MEF2A: variants seen among roughly 807,000 people sequenced by gnomAD.
MEF2A encodes the protein myocyte enhancer factor 2A.
Under a neutral mutation model 55.8 loss-of-function variants are expected in MEF2A, and 28 were observed. The observed-to-expected ratio is 0.50, with a 90% CI of 0.37 to 0.69. The LOEUF is 0.69. Among genes scored for constraint, MEF2A ranks in the 30% least tolerant of loss-of-function variants. The pLI, the probability that MEF2A is intolerant of heterozygous loss-of-function variation, is 0.00. For missense variants in MEF2A, 528 were observed against 626.2 expected (o/e 0.84, Z 1.67); for synonymous variants, 239 against 227.1 (o/e 1.05, Z -0.47).
chr15:99,697,064 AAT>A (rs999135175), intron 8 of MEF2A, among the ~76,000 whole-genome samples: 10 of 152,130 alleles, frequency 6.6e-5, no homozygotes, highest in Non-Finnish European at 1.5e-4. Flanking sequence ...TAAAAAAAAA[AAT>A]CTCAATGAAC....
chr15:99,658,991 C>T (rs996998897), intron 4 of MEF2A, among the ~76,000 whole-genome samples: 10 of 151,976 alleles, frequency 6.6e-5, no homozygotes, highest in African/African-American at 2.4e-4. Context: ...ATATCAGCAT[C>T]TAGTAGGGTG....
intron 1 of MEF2A, among the ~76,000 whole-genome samples, chr15:99,588,374 T>C (rs1968102698): frequency 6.6e-6 from 1 of 152,064 alleles, no homozygotes; most frequent in Non-Finnish European, 1.5e-5. Flanking sequence ...CGATCTTGGC[T>C]CACTGCAACC....
At chr15:99,622,985 C>A (rs1195469635) in intron 2 of MEF2A, among the ~76,000 whole-genome samples, 1 of 152,182 alleles carries the variant, frequency 6.6e-6, no homozygotes, top group Non-Finnish European at 1.5e-5. Context: ...CAGGCGTGAG[C>A]CACCACGCCC....
intron 4 of MEF2A, among the ~76,000 whole-genome samples, chr15:99,659,385 A>G (rs1303004870): frequency 6.6e-6 from 1 of 152,158 alleles, no homozygotes; most frequent in Non-Finnish European, 1.5e-5. Flanking sequence ...TAGCCTGAAC[A>G]CCACACACTT....
rs1234666173 is a variant in MEF2A, at chr15:99,700,187, TACACACAC to T, written c.859-3155_859-3148del. On this transcript the variant is annotated intron_variant, in intron 8 of 11. Transcript: ENST00000557942. ...ACATACGTATATATGTGTGTATATA[TACACACAC>T]ACACACACACACACACACATATGTA... 2.9e-3 allele frequency among the ~76,000 whole-genome samples: 329 copies of T among 112,370 alleles called. 4 individuals carry two copies. Among genetic ancestry groups the T allele is most frequent in the African/African-American group, 0.012 (313 of 26,888 alleles). 73.7% of individuals were successfully genotyped at this position (112,370 alleles called of 152,430 possible). A position where few individuals can be genotyped will look rare whatever the true frequency, so the allele number is the denominator to read the frequency against.
chr15:99,576,920 T>G (rs906970694), intron 1 of MEF2A, among the ~76,000 whole-genome samples: 2 of 152,204 alleles, frequency 1.3e-5, no homozygotes, highest in African/African-American at 4.8e-5. Context: ...GTGCTGGGAT[T>G]ACAGGCGTGA....
chr15:99,581,495 T>C (rs1356416467), intron 1 of MEF2A, among the ~76,000 whole-genome samples: 3 of 152,076 alleles, frequency 2.0e-5, no homozygotes, highest in Non-Finnish European at 4.4e-5. Context: ...TGAGTGATCA[T>C]TTGCCAAAAC....
intron 2 of MEF2A, among the ~76,000 whole-genome samples, chr15:99,599,809 C>CA (rs1366884802): frequency 7.9e-5 from 12 of 152,088 alleles, no homozygotes; most frequent in Non-Finnish European, 1.5e-4. Flanking sequence ...ATAGGTTCCT[C>CA]ATCTGTGGAT....
chr15:99,714,819 C>G lies in MEF2A; in HGVS notation c.*2048C>G, dbSNP rs1231787864. ...TTTGTTCCCCCCCCCCCACCCCCCC[C>G]CCAAATTACGTTCCTTTTGACATTT... is the stretch of plus-strand genomic sequence containing the variant. On this transcript the variant is annotated 3_prime_UTR_variant, in exon 12 of 12. Coordinates refer to ENST00000557942, the MANE Select transcript of MEF2A (RefSeq NM_001319206.4). 7.6e-6 allele frequency: 1 copy of G among 132,222 alleles called. No homozygotes were observed. Among genetic ancestry groups the G allele is most frequent in the Non-Finnish European group, 1.6e-5 (1 of 63,696 alleles). The allele number at this position is 132,222 out of a possible 1,614,324, so 8.2% of individuals were successfully genotyped here.
At chr15:99,640,546 T>G (rs2044694775) in intron 3 of MEF2A, among the ~76,000 whole-genome samples, 1 of 150,924 alleles carries the variant, frequency 6.6e-6, no homozygotes, top group Admixed American at 6.6e-5. Context: ...CCCTCCCCTC[T>G]TTTCTTTCTT....
intron 7 of MEF2A, among the ~76,000 whole-genome samples, chr15:99,686,176 A>G (rs1035286931): frequency 6.6e-6 from 1 of 152,172 alleles, no homozygotes; most frequent in Non-Finnish European, 1.5e-5. Flanking sequence ...ATTTTTAACC[A>G]TTCTGCCATT....
At position 99,622,702 on chromosome 15, in the gene MEF2A, C is replaced by CTTTTCTTT. The variant is rs372196596; in HGVS notation, c.-142-10272_-142-10271insCTTTTTTT. 4.3e-3 allele frequency among the ~76,000 whole-genome samples: 581 copies of CTTTTCTTT among 135,708 alleles called. 22 individuals are homozygous for CTTTTCTTT. The East Asian group carries it at 0.047, about 11-fold the overall frequency. The allele number at this position is 135,708 out of a possible 152,430, so 89.0% of individuals were successfully genotyped here. ...ATCCTTCTTTAGGATGTTTTCTTTT[C>CTTTTCTTT]TTTTTTTTTTTCTTTTTTGAGATGG... On this transcript the variant is annotated intron_variant, in intron 2 of 11. Transcript: ENST00000557942.
chr15:99,680,356 A>T (rs1166155491), intron 7 of MEF2A, among the ~76,000 whole-genome samples: 5 of 152,310 alleles, frequency 3.3e-5, no homozygotes, highest in Middle Eastern at 3.4e-3. Context: ...ACAAAAAAAA[A>T]TACTACTCTT....
At position 99,596,982 on chromosome 15, in the gene MEF2A, C is replaced by A. The variant is rs183245415; in HGVS notation, c.-224-1448C>A. ...CCTGTCTTTACTTCAGTCTCTTAAT[C>A]CTGTCAGCTGAGGAGGATTATATCA... On this transcript the variant is annotated intron_variant, in intron 1 of 11. Coordinates refer to ENST00000557942, the MANE Select transcript of MEF2A (RefSeq NM_001319206.4). 3.0e-3 allele frequency among the ~76,000 whole-genome samples: 451 copies of A among 152,308 alleles called. 8 individuals are homozygous for A. The highest frequency in any genetic ancestry group is 0.028 in the Admixed American group (427 of 15,298).
In MEF2A at chr15:99,700,185, TATAC is replaced by T. The variant is rs1310568378; in HGVS notation, c.859-3175_859-3172del. 8.0e-3 allele frequency among the ~76,000 whole-genome samples: 807 copies of T among 100,420 alleles called. 19 individuals carry two copies. Among genetic ancestry groups the T allele is most frequent in the African/African-American group, 0.024 (686 of 29,010 alleles). The allele number at this position is 100,420 out of a possible 152,430, so 65.9% of individuals were successfully genotyped here. ...ACACATACGTATATATGTGTGTATA[TATAC>T]ACACACACACACACACACACACACA... On this transcript the variant is annotated intron_variant, in intron 8 of 11. Transcript: ENST00000557942.
chr15:99,582,976 G>A (rs1250746752), intron 1 of MEF2A, among the ~76,000 whole-genome samples: 1 of 152,134 alleles, frequency 6.6e-6, no homozygotes. Context: ...ATATCATAGT[G>A]TAAGCAAAGG....
intron 3 of MEF2A, among the ~76,000 whole-genome samples, chr15:99,634,524 T>TG (rs775125994): frequency 1.9e-4 from 29 of 152,072 alleles, no homozygotes; most frequent in Non-Finnish European, 3.8e-4. Context: ...TAGGGTTTAT[T>TG]GGGGAATAAC....
In MEF2A at chr15:99,713,027, A is replaced by C. The variant is rs1255596500; in HGVS notation, c.*256A>C. The C allele has an allele frequency of 1.9e-6, 1 of 521,180 alleles. No individual in the cohort carries two copies. The highest frequency in any genetic ancestry group is 3.4e-6 in the Non-Finnish European group (1 of 297,198). The allele number at this position is 521,180 out of a possible 1,614,324, so 32.3% of individuals were successfully genotyped here. A position where few individuals can be genotyped will look rare whatever the true frequency, so the allele number is the denominator to read the frequency against. ...GGCAGACAAAGCACCCTGTAGGCACAGACAAGTCTGGCACTTCCTTGGACT... is the reference window on the plus strand; with the variant it reads ...GGCAGACAAAGCACCCTGTAGGCACCGACAAGTCTGGCACTTCCTTGGACT... On this transcript the variant is annotated 3_prime_UTR_variant, in exon 12 of 12. Coordinates refer to ENST00000557942, the MANE Select transcript of MEF2A (RefSeq NM_001319206.4).
chr15:99,602,992 T>C (rs1973846865), intron 2 of MEF2A, among the ~76,000 whole-genome samples: 1 of 152,158 alleles, frequency 6.6e-6, no homozygotes, highest in Non-Finnish European at 1.5e-5. Context: ...TGGCACGAAG[T>C]TGTATTTTAG....
Sources: gnomAD v4.1 joint callset for allele counts (sites outside exome capture counted in the v4.1 genomes callset) on GRCh38, gnomAD v4.1.1 for gene constraint, MANE v1.5 for transcripts, NCBI Gene and HGNC (gene_info 2026-07-23, HGNC 2026-07-21) for gene names.